The following MTPN variants were observed in gnomAD, a reference collection of about 807,000 sequenced individuals.
MTPN encodes myotrophin.
MTPN carries 2 observed loss-of-function variants against 13.5 expected under a neutral mutation model. That is an observed-to-expected ratio of 0.15 (90% CI 0.06 to 0.47). MTPN has a LOEUF of 0.47. Among genes scored for constraint, MTPN ranks in the 20% least tolerant of loss-of-function variants. The pLI is 0.97. For synonymous variants in MTPN, 46 were observed against 51.7 expected (o/e 0.89, Z 0.48); for missense variants, 79 against 137.9 (o/e 0.57, Z 2.14).
chr7:135,962,848 T>C (rs545352372), intron 1 of MTPN, among the ~76,000 whole-genome samples: 1 of 152,036 alleles, frequency 6.6e-6, no homozygotes, highest in Non-Finnish European at 1.5e-5. Flanking sequence ...CTAAGTGAAA[T>C]GGCCGACTCC....
At chr7:135,952,540 T>C (rs1294512425) in intron 1 of MTPN, among the ~76,000 whole-genome samples, 1 of 152,236 alleles carries the variant, frequency 6.6e-6, no homozygotes, top group Non-Finnish European at 1.5e-5. Context: ...AACTTTTTAC[T>C]GTGGTTCAGT....
intron 1 of MTPN, among the ~76,000 whole-genome samples, chr7:135,966,476 G>T (rs902446978): frequency 5.9e-5 from 9 of 151,894 alleles, no homozygotes; most frequent in Non-Finnish European, 1.2e-4. Context: ...CTCTGATTTT[G>T]AAAGATCAAA....
chr7:135,930,538 G>A (rs569294828), intron 3 of MTPN, among the ~76,000 whole-genome samples: 1 of 152,258 alleles, frequency 6.6e-6, no homozygotes, highest in African/African-American at 2.4e-5. Context: ...GGTTCCCTGC[G>A]ATATTGTAGG....
chr7:135,942,401 T>C (rs1799229116), intron 3 of MTPN, among the ~76,000 whole-genome samples: 1 of 152,186 alleles, frequency 6.6e-6, no homozygotes, highest in Non-Finnish European at 1.5e-5. Context: ...GAGTGGCTTA[T>C]ACACATTATC....
At chr7:135,951,199 A>G (rs1189160669) in intron 2 of MTPN, among the ~76,000 whole-genome samples, 1 of 152,196 alleles carries the variant, frequency 6.6e-6, no homozygotes, top group East Asian at 1.9e-4. Context: ...GCAGAGTCCT[A>G]TGCTGTATTA....
intron 1 of MTPN, among the ~76,000 whole-genome samples, chr7:135,959,686 T>C (rs185332177): frequency 3.9e-5 from 6 of 152,282 alleles, no homozygotes; most frequent in Admixed American, 1.3e-4. Context: ...ATTGGCTGTA[T>C]AGGAAATATC....
In MTPN at chr7:135,929,452, T is replaced by A. The variant is rs1417910917; in HGVS notation, c.*474A>T. On this transcript the variant is annotated 3_prime_UTR_variant, in exon 4 of 4. Coordinates refer to ENST00000393085, the MANE Select transcript of MTPN (RefSeq NM_145808.4). Reference sequence around the variant, plus strand: ...CTATGCCAGGAAATCCCCAGTAGAGTGCATTCTTAAGGCAGAAGGCTAGAG... The same window carrying A: ...CTATGCCAGGAAATCCCCAGTAGAGAGCATTCTTAAGGCAGAAGGCTAGAG... 1 of 171,734 alleles carries A rather than the reference T, an allele frequency of 5.8e-6. No individual in the cohort carries two copies. Among genetic ancestry groups the A allele is most frequent in the Non-Finnish European group, 1.4e-5 (1 of 70,654 alleles). The allele number at this position is 171,734 out of a possible 1,614,324, so 10.6% of individuals were successfully genotyped here.
At chr7:135,961,737 A>T (rs1799526684) in intron 1 of MTPN, among the ~76,000 whole-genome samples, 1 of 152,086 alleles carries the variant, frequency 6.6e-6, no homozygotes, top group Non-Finnish European at 1.5e-5. Context: ...AGAAGCTGCT[A>T]CTGAGAGATA....
At chr7:135,955,650 T>G (rs1799431991) in intron 1 of MTPN, among the ~76,000 whole-genome samples, 1 of 152,188 alleles carries the variant, frequency 6.6e-6, no homozygotes, top group South Asian at 2.1e-4. Context: ...ATATTCCTCA[T>G]GACAAGTGAT....
At chr7:135,973,288 C>G (rs1799723061) in intron 1 of MTPN, among the ~76,000 whole-genome samples, 1 of 146,114 alleles carries the variant, frequency 6.8e-6, no homozygotes, top group African/African-American at 2.5e-5. Context: ...AAAATATAGT[C>G]CAGGCTGGAA....
chr7:135,972,231 G>GCGCGCGCACACA (rs779296906), intron 1 of MTPN, among the ~76,000 whole-genome samples: 22 of 124,718 alleles, frequency 1.8e-4, no homozygotes, highest in Non-Finnish European at 3.1e-4. Context: ...GCACGCGCGC[G>GCGCGCGCACACA]CACACACACA....
intron 3 of MTPN, among the ~76,000 whole-genome samples, chr7:135,947,386 TATC>T (rs1799301352): frequency 6.6e-6 from 1 of 152,120 alleles, no homozygotes; most frequent in Non-Finnish European, 1.5e-5. Context: ...AAGGTTTCCT[TATC>T]ATTTCTTGTT....
At chr7:135,932,212 T>C (rs189945297) in intron 3 of MTPN, 33 of 152,252 alleles carry the variant, frequency 2.2e-4, no homozygotes, top group African/African-American at 7.9e-4. Context: ...CTCCTAGATT[T>C]TGAATCCTGA....
intron 3 of MTPN, among the ~76,000 whole-genome samples, chr7:135,930,765 G>C (rs973817317): frequency 6.6e-6 from 1 of 152,142 alleles, no homozygotes; most frequent in Non-Finnish European, 1.5e-5. Context: ...GTGCCTAGGT[G>C]CATGGTAGGT....
At chr7:135,933,386 T>C (rs1799057456) in intron 3 of MTPN, among the ~76,000 whole-genome samples, 1 of 152,152 alleles carries the variant, frequency 6.6e-6, no homozygotes, top group Admixed American at 6.5e-5. Context: ...GTAAACGATA[T>C]TTATTTAAAC....
At chr7:135,949,435 A>G (rs1799330793) in intron 3 of MTPN, among the ~76,000 whole-genome samples, 1 of 152,134 alleles carries the variant, frequency 6.6e-6, no homozygotes, top group Non-Finnish European at 1.5e-5. Context: ...TAATATTTCC[A>G]TTTATTTTGG....
intron 3 of MTPN, among the ~76,000 whole-genome samples, chr7:135,948,125 A>G (rs953268454): frequency 4.6e-5 from 7 of 152,222 alleles, no homozygotes; most frequent in Admixed American, 2.6e-4. Flanking sequence ...AACACTGATT[A>G]TAACTTTTAA....
At chr7:135,966,811 G>A (rs2116402749) in intron 1 of MTPN, among the ~76,000 whole-genome samples, 1 of 152,204 alleles carries the variant, frequency 6.6e-6, no homozygotes, top group African/African-American at 2.4e-5. Context: ...TTTGGCTTTT[G>A]TTGCGGTGAG....
intron 3 of MTPN, among the ~76,000 whole-genome samples, chr7:135,949,828 C>T (rs2116372979): frequency 6.6e-6 from 1 of 152,278 alleles, no homozygotes; most frequent in South Asian, 2.1e-4. Flanking sequence ...CTACTCATTT[C>T]TGTTTTTCTC....
Sources: gnomAD v4.1 joint callset for allele counts (sites outside exome capture counted in the v4.1 genomes callset) on GRCh38, gnomAD v4.1.1 for gene constraint, MANE v1.5 for transcripts, NCBI Gene and HGNC (gene_info 2026-07-23, HGNC 2026-07-21) for gene names.